Variants in SV2C observed in about 807,000 individuals in gnomAD.
SV2C encodes the protein synaptic vesicle glycoprotein 2C, also known as solute carrier family 22 member B3.
Under a neutral mutation model 79.7 loss-of-function variants are expected in SV2C, and 49 were observed. That is an observed-to-expected ratio of 0.61 (90% CI 0.49 to 0.78). The LOEUF is 0.78. Ranked by LOEUF, SV2C falls within the 30% of genes least tolerant of loss-of-function variation. The probability of loss-of-function intolerance (pLI) is 0.00; values close to 1 mark genes in which losing one functional copy is unlikely to be tolerated. For synonymous variants in SV2C, 334 were observed against 333.2 expected (o/e 1.00, Z -0.03); for missense variants, 833 against 912.9 (o/e 0.91, Z 1.13).
At chr5:76,008,642 C>T in the SV2C span, among the ~76,000 whole-genome samples, 13 of 152,228 alleles carry the variant, frequency 8.5e-5, no homozygotes, top group East Asian at 7.7e-4. Context: ...GGTCCAAGTC[C>T]CCAGCATCTC....
chr5:76,145,901 C>T (rs1749404342), intron 2 of SV2C, among the ~76,000 whole-genome samples: 2 of 152,166 alleles, frequency 1.3e-5, no homozygotes, highest in Non-Finnish European at 2.9e-5. Flanking sequence ...TTTGAACTCT[C>T]CTTCCAACAC....
At chr5:75,976,953 C>T in the SV2C span, among the ~76,000 whole-genome samples, 1 of 152,096 alleles carries the variant, frequency 6.6e-6, no homozygotes, top group Non-Finnish European at 1.5e-5. Flanking sequence ...CAAGGATGCT[C>T]ATTACAAGTC....
At chr5:76,007,988 A>G in the SV2C span, among the ~76,000 whole-genome samples, 1 of 152,150 alleles carries the variant, frequency 6.6e-6, no homozygotes, top group African/African-American at 2.4e-5. Flanking sequence ...AAGAAACCTA[A>G]TGCCGGTGGC....
At chr5:76,247,430 A>G (rs996905526) in intron 4 of SV2C, among the ~76,000 whole-genome samples, 2 of 152,214 alleles carry the variant, frequency 1.3e-5, no homozygotes, top group African/African-American at 2.4e-5. Flanking sequence ...CCCTTTCCAT[A>G]TCTAGGGATT....
At chr5:76,113,810 GAGA>G (rs1472102306) in intron 1 of SV2C, among the ~76,000 whole-genome samples, 2 of 152,282 alleles carry the variant, frequency 1.3e-5, no homozygotes, top group African/African-American at 2.4e-5. Flanking sequence ...TGACAATAAA[GAGA>G]AGGTTTTATT....
chr5:75,858,080 G>A, the SV2C span, among the ~76,000 whole-genome samples: 3 of 152,072 alleles, frequency 2.0e-5, no homozygotes, highest in African/African-American at 7.2e-5. Flanking sequence ...CCTTTTTAAC[G>A]TGGATACCCT....
At chr5:75,883,693 G>T in the SV2C span, among the ~76,000 whole-genome samples, 13 of 118,556 alleles carry the variant, frequency 1.1e-4, no homozygotes, top group East Asian at 2.5e-3. Context: ...GTTGTGGGGT[G>T]GGGGGAGGGG....
the SV2C span, among the ~76,000 whole-genome samples, chr5:75,910,036 G>C: frequency 6.6e-6 from 1 of 152,160 alleles, no homozygotes; most frequent in African/African-American, 2.4e-5. Context: ...CCAGCATGGG[G>C]ACTTCACAGA....
the SV2C span, among the ~76,000 whole-genome samples, chr5:76,019,923 G>A: frequency 6.6e-6 from 1 of 152,112 alleles, no homozygotes; most frequent in Admixed American, 6.6e-5. Flanking sequence ...TCTAAGTGTT[G>A]AGTGATACTC....
chr5:76,100,843 T>C (rs149969854), intron 1 of SV2C, among the ~76,000 whole-genome samples: 2 of 152,310 alleles, frequency 1.3e-5, no homozygotes, highest in African/African-American at 4.8e-5. Flanking sequence ...GGCTGTCCTG[T>C]GCATCGTAAG....
chr5:76,267,464 C>T (rs1056929437), intron 4 of SV2C, among the ~76,000 whole-genome samples: 3 of 152,080 alleles, frequency 2.0e-5, no homozygotes, highest in African/African-American at 2.4e-5. Flanking sequence ...ACCTTTCATG[C>T]CTTTTTAACT....
intron 2 of SV2C, among the ~76,000 whole-genome samples, chr5:76,163,208 C>A (rs1742947384): frequency 6.6e-6 from 1 of 151,810 alleles, no homozygotes; most frequent in African/African-American, 2.4e-5. Context: ...ACAGATTGAA[C>A]ATTTTAAGAA....
intron 12 of SV2C, among the ~76,000 whole-genome samples, chr5:76,349,294 G>A (rs906235201): frequency 1.3e-5 from 2 of 152,140 alleles, no homozygotes; most frequent in East Asian, 1.9e-4. Flanking sequence ...GGGGGATCAC[G>A]TGAGGTTAGG....
chr5:75,948,512 G>A, the SV2C span, among the ~76,000 whole-genome samples: 302 of 152,084 alleles, frequency 2.0e-3, no homozygotes, highest in African/African-American at 6.8e-3. Flanking sequence ...GTGTTGGGTG[G>A]TGATAGTGCC....
intron 1 of SV2C, among the ~76,000 whole-genome samples, chr5:76,115,805 G>A (rs1377352680): frequency 6.6e-6 from 1 of 152,054 alleles, no homozygotes; most frequent in Non-Finnish European, 1.5e-5. Flanking sequence ...AAAACCCAAG[G>A]CCCTTACTGT....
intron 1 of SV2C, among the ~76,000 whole-genome samples, chr5:76,124,308 C>A (rs1470205721): frequency 6.6e-6 from 1 of 152,140 alleles, no homozygotes; most frequent in Non-Finnish European, 1.5e-5. Context: ...CATTCTATAT[C>A]CTGTCTCTAT....
At chr5:75,921,781 A>C in the SV2C span, 3 of 322,274 alleles carry the variant, frequency 9.3e-6, no homozygotes, top group Admixed American at 7.6e-5. Flanking sequence ...GCTCGTGCCA[A>C]GGATTGTTGT....
the SV2C span, among the ~76,000 whole-genome samples, chr5:75,909,384 A>G: frequency 6.6e-6 from 1 of 152,196 alleles, no homozygotes; most frequent in African/African-American, 2.4e-5. Flanking sequence ...AGTCTAAACC[A>G]GGGAGTTGAA....
chr5:76,067,262 T>A, the SV2C span, among the ~76,000 whole-genome samples: 2 of 152,068 alleles, frequency 1.3e-5, no homozygotes, highest in Admixed American at 1.3e-4. Flanking sequence ...TTTTTTCCTT[T>A]ATAATTTGTG....
Sources: allele counts gnomAD v4.1 joint callset (sites outside exome capture counted in the v4.1 genomes callset), GRCh38; gene constraint gnomAD v4.1.1; transcripts MANE v1.5; gene names NCBI Gene and HGNC (gene_info 2026-07-23, HGNC 2026-07-21).